The following GRXCR1 variants were observed in gnomAD, a reference collection of about 807,000 sequenced individuals.
The protein encoded by GRXCR1 is glutaredoxin and cysteine rich domain containing 1.
In GRXCR1, 27 loss-of-function variants were observed where a neutral mutation model predicts 27.3. The observed-to-expected ratio is 0.99, with a 90% CI of 0.73 to 1.37. The LOEUF (loss-of-function observed/expected upper bound fraction) is 1.37, where lower values mean the gene tolerates loss of function less well. Among genes scored for constraint, GRXCR1 ranks in the 40% most tolerant of loss-of-function variants. The pLI, the probability that GRXCR1 is intolerant of heterozygous loss-of-function variation, is 0.00. For missense variants in GRXCR1, 379 were observed against 354.4 expected (o/e 1.07, Z -0.56); for synonymous variants, 122 against 131.1 (o/e 0.93, Z 0.47).
intron 2 of GRXCR1, among the ~76,000 whole-genome samples, chr4:42,994,427 GAAGAC>G: frequency 6.6e-6 from 1 of 152,246 alleles, no homozygotes; most frequent in African/African-American, 2.4e-5. Flanking sequence ...CAGAATGTTT[GAAGAC>G]AACACCCATG....
intron 1 of GRXCR1, among the ~76,000 whole-genome samples, chr4:42,952,256 T>G (rs1042671004): frequency 1.3e-5 from 2 of 152,190 alleles, no homozygotes; most frequent in African/African-American, 4.8e-5. Context: ...ATCAGTTAGT[T>G]GTTGGTTATA....
At chr4:42,984,125 C>T (rs1711594702) in intron 2 of GRXCR1, among the ~76,000 whole-genome samples, 1 of 152,196 alleles carries the variant, frequency 6.6e-6, no homozygotes, top group Non-Finnish European at 1.5e-5. Context: ...CATGAGCCAC[C>T]ATGCCCAGCC....
chr4:42,978,026 A>G (rs925515398), intron 2 of GRXCR1, among the ~76,000 whole-genome samples: 6 of 152,040 alleles, frequency 3.9e-5, no homozygotes, highest in African/African-American at 9.7e-5. Flanking sequence ...TTGGATATCC[A>G]GGTTTCCTAA....
intron 2 of GRXCR1, among the ~76,000 whole-genome samples, chr4:42,989,513 C>A (rs1277596278): frequency 6.6e-6 from 1 of 152,150 alleles, no homozygotes; most frequent in Non-Finnish European, 1.5e-5. Flanking sequence ...TATAACAATG[C>A]AAAATCTTCC....
chr4:42,917,536 T>G (rs1249275114), intron 1 of GRXCR1, among the ~76,000 whole-genome samples: 4 of 152,134 alleles, frequency 2.6e-5, no homozygotes, highest in Non-Finnish European at 5.9e-5. Context: ...ATGATCTCTC[T>G]CCCTTACATA....
chr4:42,944,277 G>A (rs1312803879), intron 1 of GRXCR1, among the ~76,000 whole-genome samples: 1 of 152,006 alleles, frequency 6.6e-6, no homozygotes, highest in African/African-American at 2.4e-5. Flanking sequence ...TTGAGTTTGA[G>A]ATTGTATCAG....
intron 1 of GRXCR1, among the ~76,000 whole-genome samples, chr4:42,961,337 G>A (rs970317327): frequency 2.0e-5 from 3 of 152,044 alleles, no homozygotes; most frequent in African/African-American, 7.2e-5. Flanking sequence ...TAAATTTGCA[G>A]TATGTGCCAA....
At chr4:42,971,801 A>G (rs1748393921) in intron 2 of GRXCR1, among the ~76,000 whole-genome samples, 1 of 152,070 alleles carries the variant, frequency 6.6e-6, no homozygotes, top group Non-Finnish European at 1.5e-5. Flanking sequence ...CAAAAAAAAA[A>G]TGCTCAAAGA....
At chr4:42,965,200 C>T (rs1037151955) in intron 2 of GRXCR1, among the ~76,000 whole-genome samples, 3 of 151,928 alleles carry the variant, frequency 2.0e-5, no homozygotes, top group Non-Finnish European at 2.9e-5. Flanking sequence ...TGCTTCTTTC[C>T]CAGTTGCTTT....
intron 1 of GRXCR1, among the ~76,000 whole-genome samples, chr4:42,916,099 G>GAAA (rs58948726): frequency 6.9e-6 from 1 of 145,898 alleles, no homozygotes. Flanking sequence ...CATCATTTCA[G>GAAA]AAAAAAAAAA....
chr4:42,997,875 G>A (rs1712223377), intron 2 of GRXCR1, among the ~76,000 whole-genome samples: 1 of 152,048 alleles, frequency 6.6e-6, no homozygotes. Context: ...TGCATGGCAT[G>A]GCGTGCCTCC....
chr4:42,966,374 A>G (rs1468592307), intron 2 of GRXCR1, among the ~76,000 whole-genome samples: 1 of 152,086 alleles, frequency 6.6e-6, no homozygotes, highest in Non-Finnish European at 1.5e-5. Flanking sequence ...AGAGAGGAAT[A>G]GAAGGGCTAT....
intron 1 of GRXCR1, among the ~76,000 whole-genome samples, chr4:42,908,415 T>C (rs1453762220): frequency 6.6e-6 from 1 of 152,190 alleles, no homozygotes; most frequent in Non-Finnish European, 1.5e-5. Context: ...TCCAGAACCC[T>C]AGGAGTTGGT....
intron 1 of GRXCR1, among the ~76,000 whole-genome samples, chr4:42,901,973 T>C (rs1159580925): frequency 2.0e-5 from 3 of 152,222 alleles, no homozygotes. Context: ...GGAAACATTA[T>C]AATGCTGTTT....
At chr4:42,942,481 AG>A (rs566818259) in intron 1 of GRXCR1, among the ~76,000 whole-genome samples, 185 of 152,196 alleles carry the variant, frequency 1.2e-3, no homozygotes, top group African/African-American at 4.3e-3. Context: ...GACAGTCATA[AG>A]AATAGGCAAA....
At chr4:43,021,610 A>G (rs1009580557) in intron 3 of GRXCR1, among the ~76,000 whole-genome samples, 1 of 152,138 alleles carries the variant, frequency 6.6e-6, no homozygotes, top group African/African-American at 2.4e-5. Context: ...TGTACTGCAG[A>G]CCTATAGAAA....
chr4:42,995,192 G>A (rs557781863), intron 2 of GRXCR1, among the ~76,000 whole-genome samples: 30 of 152,132 alleles, frequency 2.0e-4, no homozygotes, highest in African/African-American at 4.8e-4. Flanking sequence ...TGTGTCCAGC[G>A]TTGGGGTTCA....
intron 2 of GRXCR1, among the ~76,000 whole-genome samples, chr4:42,987,251 A>AT (rs1553943946): frequency 2.4e-5 from 2 of 81,764 alleles, no homozygotes; most frequent in African/African-American, 1.0e-4. Context: ...AATATATAAT[A>AT]TATATATATA....
At chr4:42,982,781 T>C (rs1250839816) in intron 2 of GRXCR1, among the ~76,000 whole-genome samples, 1 of 150,382 alleles carries the variant, frequency 6.6e-6, no homozygotes, top group African/African-American at 2.4e-5. Context: ...CATTGTGGTT[T>C]TGATTTGCAT....
Sources: allele counts gnomAD v4.1 joint callset (sites outside exome capture counted in the v4.1 genomes callset), GRCh38; gene constraint gnomAD v4.1.1; transcripts MANE v1.5; gene names NCBI Gene and HGNC (gene_info 2026-07-23, HGNC 2026-07-21).